SUPT3H: variants seen among roughly 807,000 people sequenced by gnomAD.
SUPT3H encodes transcription initiation protein SPT3 homolog.
A neutral mutation model predicts 44.3 loss-of-function variants in SUPT3H; 44 were observed. The ratio of observed to expected loss-of-function variants is 0.99; its 90% CI spans 0.78 to 1.28. The LOEUF is 1.28. SUPT3H is among the 50% of genes most tolerant of loss of function. SUPT3H has a pLI of 0.00. For missense variants in SUPT3H, 380 were observed against 387.1 expected (o/e 0.98, Z 0.15); for synonymous variants, 124 against 125.6 (o/e 0.99, Z 0.09).
At chr6:45,146,984 A>C (rs1260195630) in intron 2 of SUPT3H, among the ~76,000 whole-genome samples, 1 of 152,188 alleles carries the variant, frequency 6.6e-6, no homozygotes, top group Non-Finnish European at 1.5e-5. Context: ...AATAGGTAAC[A>C]TCTATTATTT....
chr6:45,179,954 AT>A (rs1375969542), intron 2 of SUPT3H, among the ~76,000 whole-genome samples: 2 of 152,186 alleles, frequency 1.3e-5, no homozygotes, highest in African/African-American at 4.8e-5. Context: ...ACATGATTGT[AT>A]ATCTAGAAAA....
chr6:45,139,280 T>C lies in SUPT3H; in HGVS notation c.102-33274A>G, dbSNP rs146179059. ...ATTTCATAAAACAACCTCTATTATA[T>C]TTTACAAACAATTATTGTGTGCTAA... On this transcript the variant is annotated intron_variant, in intron 2 of 10. Coordinates refer to ENST00000371459, the MANE Select transcript of SUPT3H (RefSeq NM_003599.4). Among the ~76,000 whole-genome samples the C allele has an allele frequency of 4.6e-3, 704 of 152,332 alleles. 4 individuals are homozygous for C. Among genetic ancestry groups the C allele is most frequent in the Non-Finnish European group, 7.5e-3 (510 of 68,032 alleles).
intron 2 of SUPT3H, among the ~76,000 whole-genome samples, chr6:45,265,404 A>T (rs1775086783): frequency 6.6e-6 from 1 of 152,110 alleles, no homozygotes; most frequent in African/African-American, 2.4e-5. Context: ...AAACAGAATC[A>T]ACTACTAATT....
intron 2 of SUPT3H, among the ~76,000 whole-genome samples, chr6:45,181,869 T>TAAATA (rs1415517835): frequency 6.8e-6 from 1 of 147,584 alleles, no homozygotes; most frequent in East Asian, 2.0e-4. Flanking sequence ...AGTATAATAA[T>TAAATA]AATAAATAAA....
chr6:45,178,491 C>T (rs1429142546), intron 2 of SUPT3H, among the ~76,000 whole-genome samples: 3 of 151,872 alleles, frequency 2.0e-5, no homozygotes, highest in Non-Finnish European at 4.4e-5. Flanking sequence ...CCACTGTCAA[C>T]ATTAGACAGA....
At chr6:45,026,613 CT>C (rs1189784965) in intron 3 of SUPT3H, among the ~76,000 whole-genome samples, 1 of 152,250 alleles carries the variant, frequency 6.6e-6, no homozygotes, top group Admixed American at 6.5e-5. Flanking sequence ...CCTTGCCACA[CT>C]TCTTCTGAAT....
intron 2 of SUPT3H, among the ~76,000 whole-genome samples, chr6:45,288,506 G>A (rs1237833994): frequency 1.4e-5 from 2 of 146,480 alleles, no homozygotes; most frequent in Non-Finnish European, 3.0e-5. Flanking sequence ...ATTAATCACA[G>A]TATTTACACA....
chr6:45,348,674 C>CA (rs574845659), intron 2 of SUPT3H, among the ~76,000 whole-genome samples: 26,745 of 75,798 alleles, frequency 0.35, 3,628 homozygotes, highest in Non-Finnish European at 0.44. Flanking sequence ...AACTCCAACT[C>CA]AAAAAAAAAA....
intron 2 of SUPT3H, among the ~76,000 whole-genome samples, chr6:45,288,075 G>A (rs770179678): frequency 2.6e-5 from 4 of 152,128 alleles, no homozygotes; most frequent in Non-Finnish European, 2.9e-5. Context: ...TTTCTTACTA[G>A]AACTTACCTA....
At chr6:45,187,415 C>CAA (rs70996309) in intron 2 of SUPT3H, among the ~76,000 whole-genome samples, 46 of 146,444 alleles carry the variant, frequency 3.1e-4, no homozygotes, top group South Asian at 4.3e-4. Context: ...AACTCCGTTT[C>CAA]AAAAAAAAAA....
chr6:45,217,699 T>C (rs1161791879), intron 2 of SUPT3H, among the ~76,000 whole-genome samples: 2 of 152,100 alleles, frequency 1.3e-5, no homozygotes, highest in Non-Finnish European at 2.9e-5. Context: ...AAGACCAGTC[T>C]GATCGACATG....
rs1772952786 is a variant in SUPT3H at position 44,944,426 on chromosome 6, T to C, written c.801+8884A>G. Among the ~76,000 whole-genome samples the C allele has an allele frequency of 2.6e-5, 4 of 151,886 alleles. No homozygotes were observed. In the South Asian group the frequency reaches 8.3e-4, roughly 32 times the overall value. The stretch of plus-strand genomic sequence containing the variant: ...GTTACCCTATATCTGACCACGTGAC[T>C]TAATACATCAAATATCACAGAATTA... On this transcript the variant is annotated intron_variant, in intron 9 of 10. Transcript: ENST00000371459.
At chr6:44,957,671 C>T (rs762386712) in intron 7 of SUPT3H, among the ~76,000 whole-genome samples, 4 of 151,938 alleles carry the variant, frequency 2.6e-5, no homozygotes, top group African/African-American at 4.8e-5. Flanking sequence ...TTGTAACCAC[C>T]GAGAATGCAG....
intron 3 of SUPT3H, among the ~76,000 whole-genome samples, chr6:45,080,514 G>A (rs1795647420): frequency 6.6e-6 from 1 of 151,784 alleles, no homozygotes; most frequent in African/African-American, 2.4e-5. Context: ...CAATAGTAAA[G>A]ATTTGGAAGC....
chr6:44,926,550 CAA>C (rs987896327), intron 10 of SUPT3H, among the ~76,000 whole-genome samples: 5 of 151,700 alleles, frequency 3.3e-5, no homozygotes, highest in African/African-American at 7.3e-5. Context: ...CAAAAAATGG[CAA>C]AGACATAATT....
chr6:45,114,413 G>A (rs974374042), intron 2 of SUPT3H, among the ~76,000 whole-genome samples: 1 of 152,048 alleles, frequency 6.6e-6, no homozygotes, highest in Non-Finnish European at 1.5e-5. Context: ...GTATGCAATG[G>A]GCAGTGTGAA....
chr6:44,994,147 T>C (rs1382876164), intron 6 of SUPT3H, among the ~76,000 whole-genome samples: 1 of 152,138 alleles, frequency 6.6e-6, no homozygotes, highest in Non-Finnish European at 1.5e-5. Flanking sequence ...TACTTACTTT[T>C]GATTGGTCAG....
chr6:44,960,603 T>A lies in SUPT3H; in HGVS notation c.580+1150A>T, dbSNP rs533652209. On this transcript the variant is annotated intron_variant, in intron 7 of 10. Transcript: ENST00000371459. ...AGTGAATTAAATTTAAAATATAATT[T>A]AAAAAAATAGTTCAATTGCACTAAA... Among the ~76,000 whole-genome samples, 42 of 152,136 alleles carry A rather than the reference T, an allele frequency of 2.8e-4. 1 individual carries two copies. Among genetic ancestry groups the A allele is most frequent in the African/African-American group, 7.7e-4 (32 of 41,532 alleles).
chr6:45,300,437 C>A (rs4711813), intron 2 of SUPT3H, among the ~76,000 whole-genome samples: 1 of 152,034 alleles, frequency 6.6e-6, no homozygotes, highest in African/African-American at 2.4e-5. Flanking sequence ...CATTGGTGAG[C>A]ATGTGGAGAA....
Sources: gnomAD v4.1 joint callset for allele counts (sites outside exome capture counted in the v4.1 genomes callset) on GRCh38, gnomAD v4.1.1 for gene constraint, MANE v1.5 for transcripts, NCBI Gene and HGNC (gene_info 2026-07-23, HGNC 2026-07-21) for gene names.